The following HPS5 variants were observed in gnomAD, a reference collection of about 807,000 sequenced individuals.
The protein encoded by HPS5 is BLOC-2 complex member HPS5.
HPS5 carries 83 observed loss-of-function variants against 128.0 expected under a neutral mutation model. The observed-to-expected ratio is 0.65, with a 90% CI of 0.54 to 0.78. The LOEUF is 0.78. Among genes scored for constraint, HPS5 ranks in the 30% least tolerant of loss-of-function variants. The pLI is 0.00. For missense variants in HPS5, 1,281 were observed against 1,326.2 expected (o/e 0.97, Z 0.53); for synonymous variants, 475 against 470.2 (o/e 1.01, Z -0.13).
rs1429217501 is a variant in HPS5 at position 18,295,121 on chromosome 11, G to A, written c.1683C>T (p.His561=). 1 of 1,614,196 alleles carries A rather than the reference G, an allele frequency of 6.2e-7. No individual in the cohort carries two copies. The highest frequency in any genetic ancestry group is 1.7e-5 in the Admixed American group (1 of 60,024). Residue 561 remains histidine, a synonymous_variant, in exon 14 of 23, where the codon CAC becomes CAT. Transcript: ENST00000349215. ...RKTTEKIGTL[H]TSPDLKVRPE... Reference sequence around the variant, plus strand: ...GTCTCACTTTCAGATCAGGGCTCGTGTGAAGGGTGCCAATCTTCTCAGTAG... The same window carrying A: ...GTCTCACTTTCAGATCAGGGCTCGTATGAAGGGTGCCAATCTTCTCAGTAG...
At position 18,282,237 on chromosome 11, in the gene HPS5, A is replaced by C. The variant is rs1257548781; in HGVS notation, c.3059-17T>G. 2 of 1,613,626 alleles carry C rather than the reference A, an allele frequency of 1.2e-6. No homozygotes were observed. Among genetic ancestry groups the C allele is most frequent in the African/African-American group, 2.7e-5 (2 of 74,894 alleles). Reference sequence around the variant, plus strand: ...GGATCCAACCTAAACACACACAGGGAAGTGTCAGTTTGACCACTCTTAGCA... The same window carrying C: ...GGATCCAACCTAAACACACACAGGGCAGTGTCAGTTTGACCACTCTTAGCA... On this transcript the variant is annotated splice_polypyrimidine_tract_variant and intron_variant, in intron 21 of 22. Transcript: ENST00000349215.
At chr11:18,281,350 T>TC (rs1322568757) in intron 22 of HPS5, among the ~76,000 whole-genome samples, 1 of 150,938 alleles carries the variant, frequency 6.6e-6, no homozygotes, top group Admixed American at 6.6e-5. Flanking sequence ...TGCCTCAGCC[T>TC]CCCCAAGTAC....
rs1223359995 is a variant in HPS5 at position 18,306,318 on chromosome 11, T to C, written c.641A>G (p.Glu214Gly). Residue 214 changes from glutamate (E) to glycine (G), a missense_variant, in exon 7 of 23, where the codon GAA (glutamate) becomes GGA (glycine). Transcript: ENST00000349215. ...ACAAGCTCCATATTCTCCATCTCTT[T>C]CCTTGTTTCCAATTTTCCAAAACTT... ...REKFWKIGNK[E>G]RDGEYGACFF... 3.1e-6 allele frequency: 5 copies of C among 1,613,900 alleles called. No individual in the cohort carries two copies. In the East Asian group the frequency reaches 1.1e-4, roughly 36 times the overall value.
At chr11:18,305,598 G>T in intron 7 of HPS5, 105 bp from the exon 8 acceptor site, 1 of 744,020 alleles carries the variant, frequency 1.3e-6, no homozygotes. Context: ...ACAAATTCAA[G>T]AGCCTAACTG....
At position 18,298,012 on chromosome 11, in the gene HPS5, A is replaced by G. The variant is rs11024608; in HGVS notation, c.1165-295T>C. ...GGAGAATCATTTGAACCTGGGAGGC[A>G]GAGGTTGCAGTGAGCTGAGATCACG... On this transcript the variant is annotated intron_variant, in intron 10 of 22. Transcript: ENST00000349215. 0.59 allele frequency among the ~76,000 whole-genome samples: 88,688 copies of G among 151,188 alleles called. 26,334 individuals carry two copies. The highest frequency in any genetic ancestry group is 0.85 in the East Asian group (4,346 of 5,110).
chr11:18,308,184 T>C (rs756919618), intron 6 of HPS5, among the ~76,000 whole-genome samples: 1 of 152,374 alleles, frequency 6.6e-6, no homozygotes, highest in South Asian at 2.1e-4. Context: ...CTACCTCTAA[T>C]GCACTCCTTT....
chr11:18,285,337 C>T lies in HPS5; in HGVS notation c.2951+9G>A, dbSNP rs1386117385. The T allele has an allele frequency of 6.4e-7, 1 of 1,570,182 alleles. No individual in the cohort carries two copies. Among genetic ancestry groups the T allele is most frequent in the Non-Finnish European group, 8.8e-7 (1 of 1,140,682 alleles). ...CCTTAACTTCAGTTTCTAAAAAATT[C>T]TCACTTACCCACAAGACCTGCAGAT... On this transcript the variant is annotated intron_variant, in intron 20 of 22. Transcript: ENST00000349215.
intron 22 of HPS5, 72 bp from the exon 23 acceptor site, chr11:18,280,014 T>A (rs1183579644): frequency 1.4e-6 from 2 of 1,471,592 alleles, no homozygotes; most frequent in Non-Finnish European, 9.5e-7. Context: ...ACTTAAAAAC[T>A]ACAGAGTTTC....
At chr11:18,291,200 C>T (rs965476958) in intron 16 of HPS5, among the ~76,000 whole-genome samples, 4 of 152,022 alleles carry the variant, frequency 2.6e-5, no homozygotes, top group Non-Finnish European at 5.9e-5. Context: ...CAGAATGAAA[C>T]TCTGTCTCAA....
chr11:18,313,033 CT>C (rs1863185381), intron 2 of HPS5, among the ~76,000 whole-genome samples: 1 of 152,174 alleles, frequency 6.6e-6, no homozygotes, highest in Non-Finnish European at 1.5e-5. Context: ...CCTATTTTCC[CT>C]TTCCTCAGAT....
chr11:18,315,568 G>A (rs575196310), intron 2 of HPS5, among the ~76,000 whole-genome samples: 2 of 151,690 alleles, frequency 1.3e-5, no homozygotes, highest in African/African-American at 2.4e-5. Flanking sequence ...AGCCAAGATC[G>A]TGCCACTGCA....
intron 3 of HPS5, 22 bp from the exon 4 acceptor site, chr11:18,311,473 AT>A: frequency 1.4e-6 from 2 of 1,435,844 alleles, no homozygotes; most frequent in Non-Finnish European, 1.9e-6. Context: ...AAGAAAATAC[AT>A]TTTTTAAATC....
intron 2 of HPS5, among the ~76,000 whole-genome samples, chr11:18,316,758 CTGTT>C (rs976458901): frequency 2.1e-4 from 32 of 152,142 alleles, no homozygotes; most frequent in African/African-American, 7.7e-4. Flanking sequence ...TCAGAAGAGG[CTGTT>C]TGTCAGGAAT....
intron 13 of HPS5, among the ~76,000 whole-genome samples, chr11:18,295,781 G>A (rs1860990942): frequency 1.3e-5 from 2 of 152,084 alleles, no homozygotes; most frequent in Non-Finnish European, 2.9e-5. Context: ...TGAGGGTGGG[G>A]GCACCTACAT....
intron 8 of HPS5, among the ~76,000 whole-genome samples, chr11:18,303,877 G>A (rs774259411): frequency 2.0e-4 from 31 of 151,680 alleles, no homozygotes; most frequent in Non-Finnish European, 4.6e-4. Context: ...AAAAACTTGG[G>A]TAAGGGACTT....
rs374561246 is a variant in HPS5, at chr11:18,291,665, T to C, written c.2217A>G (p.Glu739=). 6.2e-6 allele frequency: 10 copies of C among 1,614,224 alleles called. 1 individual carries two copies. The African/African-American group carries it at 1.3e-4, about 22-fold the overall frequency. The change falls in exon 16 of 23, where the codon GAA becomes GAG. Residue 739 remains glutamate, a synonymous_variant. Coordinates refer to ENST00000349215, the MANE Select transcript of HPS5 (RefSeq NM_181507.2). ...IASGLRNDLA[E]LTTLCLELNV... ...TCAACTCCAAACATAATGTTGTCAA[T>C]TCAGCCAGGTCGTTCCGAAGACCAC...
At chr11:18,282,747 T>C (rs780584335) in intron 21 of HPS5, among the ~76,000 whole-genome samples, 22 of 151,942 alleles carry the variant, frequency 1.4e-4, no homozygotes, top group Middle Eastern at 3.4e-3. Flanking sequence ...CTAAGCACTA[T>C]GAAAAAAAAG....
chr11:18,293,780 A>T (rs763198614), intron 14 of HPS5, among the ~76,000 whole-genome samples: 45 of 152,234 alleles, frequency 3.0e-4, no homozygotes, highest in Non-Finnish European at 5.1e-4. Flanking sequence ...TGGATAGAAG[A>T]CATAGCATGA....
chr11:18,311,934 T>C lies in HPS5; in HGVS notation c.199A>G (p.Arg67Gly). Residue 67 changes from arginine to glycine, a missense_variant, in exon 3 of 23, where the codon AGG becomes GGG. Transcript: ENST00000349215. The stretch of plus-strand genomic sequence containing the variant: ...CTTACCCTGTGTGAAAGAAAAAGCC[T>C]GTGCTTCCAGCCTTCTTTCTGAATG... The part of the protein sequence containing the change: ...HLIQKEGWKH[R>G]LFLSHREGAI... 6.2e-7 allele frequency: 1 copy of C among 1,613,348 alleles called. No homozygotes were observed. Among genetic ancestry groups the C allele is most frequent in the Non-Finnish European group, 8.5e-7 (1 of 1,179,276 alleles).
Sources: allele counts gnomAD v4.1 joint callset (sites outside exome capture counted in the v4.1 genomes callset), GRCh38; gene constraint gnomAD v4.1.1; transcripts MANE v1.5; gene names NCBI Gene and HGNC (gene_info 2026-07-23, HGNC 2026-07-21).